CCL22: variants seen among roughly 807,000 people sequenced by gnomAD.
The protein encoded by CCL22 is C-C motif chemokine ligand 22, also known as C-C motif chemokine 22.
A neutral mutation model predicts 7.6 loss-of-function variants in CCL22; 7 were observed. The observed-to-expected ratio is 0.92, with a 90% CI of 0.52 to 1.72. CCL22 has a LOEUF of 1.72. CCL22 is among the 40% of genes most tolerant of loss of function. The pLI is 0.00. For synonymous variants in CCL22, 55 were observed against 47.2 expected (o/e 1.17, Z -0.68); for missense variants, 115 against 124.7 (o/e 0.92, Z 0.37).
intron 2 of CCL22, among the ~76,000 whole-genome samples, chr16:57,361,563 G>C (rs574081558): frequency 7.2e-5 from 11 of 152,326 alleles, no homozygotes; most frequent in African/African-American, 2.4e-4. Context: ...CTGGTTCCTC[G>C]TTCAGGGCTT....
intron 1 of CCL22, among the ~76,000 whole-genome samples, chr16:57,359,540 T>G (rs1484041323): frequency 6.6e-6 from 1 of 151,756 alleles, no homozygotes; most frequent in Non-Finnish European, 1.5e-5. Flanking sequence ...GGTCTCAAAC[T>G]CCTGACCTCA....
intron 2 of CCL22, among the ~76,000 whole-genome samples, chr16:57,363,249 C>A (rs1902068475): frequency 6.6e-6 from 1 of 152,134 alleles, no homozygotes; most frequent in African/African-American, 2.4e-5. Flanking sequence ...CCTGCCTCGG[C>A]CTCCCAAAGT....
At chr16:57,363,433 G>T in intron 2 of CCL22, 71 bp from the exon 3 acceptor site, 1 of 966,972 alleles carries the variant, frequency 1.0e-6, no homozygotes, top group East Asian at 2.4e-5. Flanking sequence ...TAAATGCTAA[G>T]CTCCCGAGGG....
intron 2 of CCL22, among the ~76,000 whole-genome samples, chr16:57,361,478 T>C (rs1902049425): frequency 6.6e-6 from 1 of 152,160 alleles, no homozygotes; most frequent in Non-Finnish European, 1.5e-5. Flanking sequence ...ATTCCCATGG[T>C]AGAGATGGAG....
In CCL22 at chr16:57,363,843, A is replaced by G; in HGVS notation, c.*255A>G. On this transcript the variant is annotated 3_prime_UTR_variant, in exon 3 of 3. Coordinates refer to ENST00000219235, the MANE Select transcript of CCL22 (RefSeq NM_002990.5). Reference sequence around the variant, plus strand: ...TCCCATCAGCGATTCCCCTGCTTAAACCCTTCCATGACTCCCCACTGCCCT... The same window carrying G: ...TCCCATCAGCGATTCCCCTGCTTAAGCCCTTCCATGACTCCCCACTGCCCT... 2 of 435,988 alleles carry G rather than the reference A, an allele frequency of 4.6e-6. No homozygotes were observed. Among genetic ancestry groups the G allele is most frequent in the South Asian group, 5.8e-5 (2 of 34,286 alleles). The allele number at this position is 435,988 out of a possible 1,614,324, so 27.0% of individuals were successfully genotyped here. A position where few individuals can be genotyped will look rare whatever the true frequency, so the allele number is the denominator to read the frequency against.
intron 2 of CCL22, among the ~76,000 whole-genome samples, chr16:57,362,444 CCT>C (rs1902058794): frequency 6.6e-6 from 1 of 151,574 alleles, no homozygotes; most frequent in Non-Finnish European, 1.5e-5. Flanking sequence ...AGAGTGAGAC[CCT>C]GTCTCTAAAA....
intron 2 of CCL22, 86 bp downstream of exon 2, chr16:57,360,646 C>A (rs1322560054): frequency 2.0e-6 from 3 of 1,517,300 alleles, no homozygotes; most frequent in Admixed American, 3.5e-5. Context: ...GTGGGACACA[C>A]CCAGGGATGA....
chr16:57,360,527 G>A lies in CCL22; in HGVS notation c.164G>A (p.Trp55Ter). The stretch of plus-strand genomic sequence containing the variant: ...CTGCGCGTGGTGAAACACTTCTACT[G>A]GACCTCAGACTCCTGCCCGAGGCCT... ...LPLRVVKHFY[W>*]TSDSCPRPGV... The change falls in exon 2 of 3, where the codon TGG (tryptophan) becomes TAG (stop). Residue 55 changes from tryptophan to a stop codon, truncating the protein, a stop_gained. Transcript: ENST00000219235. LOFTEE classifies it low-confidence loss of function (END_TRUNC). The A allele has an allele frequency of 6.2e-7, 1 of 1,614,192 alleles. No individual in the cohort carries two copies. The highest frequency in any genetic ancestry group is 8.5e-7 in the Non-Finnish European group (1 of 1,180,036).
rs1446134215 is a variant in CCL22 at position 57,364,758 on chromosome 16, C to G, written c.*1170C>G. ...CCTCCCAAAGTGCTGGGATTACAGGCGTGAGCCACAGTGCCTGGCCTCTTC... is the reference window on the plus strand; with the variant it reads ...CCTCCCAAAGTGCTGGGATTACAGGGGTGAGCCACAGTGCCTGGCCTCTTC... On this transcript the variant is annotated 3_prime_UTR_variant, in exon 3 of 3. Coordinates refer to ENST00000219235, the MANE Select transcript of CCL22 (RefSeq NM_002990.5). The G allele has an allele frequency of 6.7e-6, 1 of 149,948 alleles. No homozygotes were observed. Among genetic ancestry groups the G allele is most frequent in the African/African-American group, 2.5e-5 (1 of 40,638 alleles). 9.3% of individuals were successfully genotyped at this position (149,948 alleles called of 1,614,324 possible).
intron 2 of CCL22, 51 bp downstream of exon 2, chr16:57,360,611 C>G (rs1261381684): frequency 6.2e-7 from 1 of 1,609,752 alleles, no homozygotes; most frequent in African/African-American, 1.3e-5. Context: ...ACGGGTACAG[C>G]CTGGGATGGC....
chr16:57,363,483 T>C, intron 2 of CCL22, 21 bp from the exon 3 acceptor site: 1 of 1,567,280 alleles, frequency 6.4e-7, no homozygotes, highest in Non-Finnish European at 8.8e-7. Context: ...CTGCATTGTC[T>C]CTGGGGTCTC....
At chr16:57,362,081 C>T (rs372487627) in intron 2 of CCL22, among the ~76,000 whole-genome samples, 22 of 152,268 alleles carry the variant, frequency 1.4e-4, no homozygotes, top group East Asian at 5.8e-4. Flanking sequence ...TAGGTGCCAT[C>T]GTGACCCCCT....
intron 1 of CCL22, among the ~76,000 whole-genome samples, chr16:57,359,607 C>T (rs1345455961): frequency 1.4e-5 from 2 of 147,896 alleles, no homozygotes; most frequent in African/African-American, 2.5e-5. Flanking sequence ...TGAGCCACTG[C>T]GTCTAGCCTA....
chr16:57,357,987 G>T (rs563331496), upstream of CCL22, among the ~76,000 whole-genome samples: 5 of 152,270 alleles, frequency 3.3e-5, no homozygotes, highest in South Asian at 1.0e-3. Context: ...GTGTAGCTCT[G>T]GACCACTCAC....
rs114337117 is a variant in CCL22, at chr16:57,361,302, G to A, written c.197+742G>A. Among the ~76,000 whole-genome samples, 1,187 of 149,664 alleles carry A rather than the reference G, an allele frequency of 7.9e-3. 25 individuals carry two copies. The highest frequency in any genetic ancestry group is 0.027 in the African/African-American group (1,110 of 40,636). On this transcript the variant is annotated intron_variant, in intron 2 of 2. Transcript: ENST00000219235. ...AAAATGCTCACACCAGAAGTGTCTT[G>A]GATCCTCTCCAGGCTCCCAGAAGTC...
Position 57,363,562 on chromosome 16 carries a change from A to G in CCL22, c.256A>G (p.Met86Val), listed in dbSNP as rs1244316078. 1 of 1,613,376 alleles carries G rather than the reference A, an allele frequency of 6.2e-7. No homozygotes were observed. The highest frequency in any genetic ancestry group is 8.5e-7 in the Non-Finnish European group (1 of 1,179,552). The stretch of plus-strand genomic sequence containing the variant: ...CGATCCCAGAGTGCCCTGGGTGAAG[A>G]TGATTCTCAATAAGCTGAGCCAATG... ...CADPRVPWVK[M>V]ILNKLSQ Residue 86 changes from methionine to valine, a missense_variant, in exon 3 of 3, where the codon ATG becomes GTG. By Grantham distance (21) the Met-to-Val change is conservative (BLOSUM62 1). Coordinates refer to ENST00000219235, the MANE Select transcript of CCL22 (RefSeq NM_002990.5).
intron 2 of CCL22, among the ~76,000 whole-genome samples, chr16:57,361,312 C>T (rs1902047502): frequency 6.6e-6 from 1 of 151,600 alleles, no homozygotes; most frequent in Non-Finnish European, 1.5e-5. Context: ...GGATCCTCTC[C>T]AGGCTCCCAG....
Position 57,360,439 on chromosome 16 carries a change from C to T in CCL22, c.76C>T (p.Pro26Ser). 6.2e-7 allele frequency: 1 copy of T among 1,614,204 alleles called. No homozygotes were observed. Among genetic ancestry groups the T allele is most frequent in the Non-Finnish European group, 8.5e-7 (1 of 1,180,022 alleles). The part of the protein sequence containing the change: ...AVALQATEAG[P>S]YGANMEDSVC... ...TTCACTGGGGACCCCTCCCCTAGGC[C>T]CCTACGGCGCCAACATGGAAGACAG... Residue 26 changes from proline (P) to serine (S), a missense_variant and splice_region_variant, in exon 2 of 3, where the codon CCC becomes TCC. Transcript: ENST00000219235.
At position 57,364,201 on chromosome 16, in the gene CCL22, G is replaced by T. The variant is rs1434143686; in HGVS notation, c.*613G>T. 2 of 152,978 alleles carry T rather than the reference G, an allele frequency of 1.3e-5. No individual in the cohort carries two copies. The highest frequency in any genetic ancestry group is 4.8e-5 in the African/African-American group (2 of 41,414). 9.5% of individuals were successfully genotyped at this position (152,978 alleles called of 1,614,324 possible). A position where few individuals can be genotyped will look rare whatever the true frequency, so the allele number is the denominator to read the frequency against. Reference sequence around the variant, plus strand: ...CTCCGCAGATTCTTGGGATTTGGGGGTTTTCTCCCCCACCTCTCCACTAGT... The same window carrying T: ...CTCCGCAGATTCTTGGGATTTGGGGTTTTTCTCCCCCACCTCTCCACTAGT... On this transcript the variant is annotated 3_prime_UTR_variant, in exon 3 of 3. Transcript: ENST00000219235.
Sources: gnomAD v4.1 joint callset for allele counts (sites outside exome capture counted in the v4.1 genomes callset) on GRCh38, gnomAD v4.1.1 for gene constraint, MANE v1.5 for transcripts, NCBI Gene and HGNC (gene_info 2026-07-23, HGNC 2026-07-21) for gene names.